Variants in DGKB observed in about 807,000 individuals in gnomAD.
DGKB encodes the protein 90 kDa diacylglycerol kinase.
In DGKB, 67 loss-of-function variants were observed where a neutral mutation model predicts 114.3. The ratio of observed to expected loss-of-function variants is 0.59; its 90% CI spans 0.48 to 0.72. The LOEUF is 0.72. Among genes scored for constraint, DGKB ranks in the 30% least tolerant of loss-of-function variants. The pLI is 0.00. For missense variants in DGKB, 907 were observed against 975.2 expected (o/e 0.93, Z 0.93); for synonymous variants, 398 against 323.1 (o/e 1.23, Z -2.49).
At chr7:14,176,297 A>ATT (rs200463609) in intron 25 of DGKB, 105 of 949,194 alleles carry the variant, frequency 1.1e-4, no homozygotes, top group South Asian at 1.5e-4. Context: ...ATGAAAACTG[A>ATT]TTTTTTTTTG....
At chr7:14,693,747 A>C (rs1053715930) in intron 9 of DGKB, among the ~76,000 whole-genome samples, 1 of 152,044 alleles carries the variant, frequency 6.6e-6, no homozygotes, top group Non-Finnish European at 1.5e-5. Flanking sequence ...GCAAAATACA[A>C]TAATACTGGA....
At chr7:14,959,192 ATAT>A (rs2115263528) in intron 1 of DGKB, among the ~76,000 whole-genome samples, 1 of 152,198 alleles carries the variant, frequency 6.6e-6, no homozygotes, top group Non-Finnish European at 1.5e-5. Flanking sequence ...TCAGAAAAAA[ATAT>A]TATACATTTC....
chr7:14,314,404 T>C (rs1261720470), intron 23 of DGKB, among the ~76,000 whole-genome samples: 2,664 of 150,312 alleles, frequency 0.018, 74 homozygotes, highest in African/African-American at 0.061. Flanking sequence ...GAAGAATGTA[T>C]AACTAGAATA....
At chr7:14,823,925 G>A (rs1845300386) in intron 2 of DGKB, among the ~76,000 whole-genome samples, 1 of 152,092 alleles carries the variant, frequency 6.6e-6, no homozygotes. Flanking sequence ...ACATACCTGA[G>A]ACTGGATCAT....
chr7:14,156,820 C>T (rs1270919145), intron 25 of DGKB, among the ~76,000 whole-genome samples: 1 of 152,074 alleles, frequency 6.6e-6, no homozygotes, highest in East Asian at 1.9e-4. Flanking sequence ...TACTAAGTGC[C>T]ACCATTCAGA....
intron 21 of DGKB, among the ~76,000 whole-genome samples, chr7:14,436,542 G>T (rs2128802581): frequency 1.3e-5 from 2 of 152,048 alleles, no homozygotes; most frequent in Middle Eastern, 3.4e-3. Flanking sequence ...AGTTGCTATA[G>T]TTGTGACCAC....
intron 1 of DGKB, among the ~76,000 whole-genome samples, chr7:14,871,997 C>T (rs217561): frequency 0.1 from 15,558 of 152,168 alleles, 1,113 homozygotes; most frequent in Middle Eastern, 0.16. Flanking sequence ...CAGCGATCTT[C>T]AAGACAGAAC....
chr7:14,877,981 C>A (rs1853570441), intron 1 of DGKB, among the ~76,000 whole-genome samples: 2 of 150,362 alleles, frequency 1.3e-5, no homozygotes, highest in African/African-American at 4.9e-5. Flanking sequence ...CTATTTGTGA[C>A]AATAATTCTT....
At chr7:14,450,741 C>A (rs1328957245) in intron 21 of DGKB, among the ~76,000 whole-genome samples, 2 of 152,024 alleles carry the variant, frequency 1.3e-5, no homozygotes, top group Non-Finnish European at 1.5e-5. Context: ...TAGCAAAGAG[C>A]AGAAGGAGGT....
At chr7:14,441,627 A>G (rs1830105233) in intron 21 of DGKB, among the ~76,000 whole-genome samples, 1 of 152,104 alleles carries the variant, frequency 6.6e-6, no homozygotes, top group South Asian at 2.1e-4. Flanking sequence ...TAGATCTTGA[A>G]TGCAGTACAA....
intron 13 of DGKB, among the ~76,000 whole-genome samples, chr7:14,632,880 G>A (rs1007208019): frequency 3.3e-5 from 5 of 151,818 alleles, no homozygotes; most frequent in African/African-American, 7.2e-5. Context: ...GACAGGCATC[G>A]CACTTTTCCA....
chr7:14,963,905 A>G (rs1170836658), intron 1 of DGKB, among the ~76,000 whole-genome samples: 1 of 152,168 alleles, frequency 6.6e-6, no homozygotes, highest in Non-Finnish European at 1.5e-5. Flanking sequence ...CTGTAGCTGC[A>G]CATAGCACAA....
At chr7:14,340,087 C>T (rs1357948183) in intron 22 of DGKB, among the ~76,000 whole-genome samples, 1 of 146,178 alleles carries the variant, frequency 6.8e-6, no homozygotes, top group Non-Finnish European at 1.5e-5. Context: ...GGGGTAGAAA[C>T]AAATTCTAGA....
At chr7:14,245,808 G>C (rs968627290) in intron 23 of DGKB, among the ~76,000 whole-genome samples, 6 of 151,914 alleles carry the variant, frequency 3.9e-5, no homozygotes, top group African/African-American at 1.5e-4. Context: ...TGCGCCTGTA[G>C]TCCCAGCTAC....
intron 13 of DGKB, among the ~76,000 whole-genome samples, chr7:14,648,893 C>G (rs1813775775): frequency 7.7e-6 from 1 of 130,528 alleles, no homozygotes; most frequent in East Asian, 2.2e-4. Context: ...GAAAGGGTAT[C>G]AGCAATGGAA....
chr7:14,229,024 A>G (rs943844354), intron 23 of DGKB, among the ~76,000 whole-genome samples: 1 of 152,018 alleles, frequency 6.6e-6, no homozygotes, highest in African/African-American at 2.4e-5. Flanking sequence ...TGCTGAAATT[A>G]TACACAAAAC....
intron 23 of DGKB, among the ~76,000 whole-genome samples, chr7:14,204,211 C>T (rs1053131651): frequency 1.3e-5 from 2 of 151,908 alleles, no homozygotes; most frequent in Admixed American, 1.3e-4. Context: ...ACATACTGTA[C>T]TTTAAAATGA....
intron 1 of DGKB, among the ~76,000 whole-genome samples, chr7:14,875,819 T>G (rs772433688): frequency 7.2e-5 from 11 of 152,254 alleles, no homozygotes; most frequent in South Asian, 4.1e-4. Flanking sequence ...GGTTTTTTTT[T>G]TGTGATTTTT....
chr7:14,442,873 A>G (rs1337333565), intron 21 of DGKB, among the ~76,000 whole-genome samples: 1 of 152,054 alleles, frequency 6.6e-6, no homozygotes, highest in African/African-American at 2.4e-5. Flanking sequence ...TTAAATCTAT[A>G]ATGTACATAT....
Sources: gnomAD v4.1 joint callset for allele counts (sites outside exome capture counted in the v4.1 genomes callset) on GRCh38, gnomAD v4.1.1 for gene constraint, MANE v1.5 for transcripts, NCBI Gene and HGNC (gene_info 2026-07-23, HGNC 2026-07-21) for gene names.